The following MAGI2 variants were observed in gnomAD, a reference collection of about 807,000 sequenced individuals.
The protein encoded by MAGI2 is membrane-associated guanylate kinase, WW and PDZ domain-containing protein 2.
Under a neutral mutation model 133.3 loss-of-function variants are expected in MAGI2, and 35 were observed. The observed-to-expected ratio is 0.26, with a 90% CI of 0.20 to 0.35. MAGI2 has a LOEUF of 0.35. Ranked by LOEUF, MAGI2 falls within the 10% of genes least tolerant of loss-of-function variation. MAGI2 has a pLI of 1.00. For missense variants in MAGI2, 1,636 were observed against 1,863.4 expected, an observed-to-expected ratio of 0.88 and a Z score of 2.25; for synonymous variants, 729 against 710.6, an observed-to-expected ratio of 1.03 and a Z score of -0.41.
intron 1 of MAGI2, among the ~76,000 whole-genome samples, chr7:79,040,426 T>G (rs189416544): frequency 8.7e-4 from 132 of 152,040 alleles, no homozygotes; most frequent in African/African-American, 2.9e-3. Flanking sequence ...AAGAAAAAAG[T>G]TGGTCTCATG....
intron 1 of MAGI2, among the ~76,000 whole-genome samples, chr7:79,356,318 G>T (rs374412580): frequency 6.8e-6 from 1 of 147,514 alleles, no homozygotes; most frequent in South Asian, 2.1e-4. Flanking sequence ...GCTATGTTAC[G>T]AATCTCTCAG....
At chr7:78,044,107 T>C (rs1811145044) in intron 21 of MAGI2, among the ~76,000 whole-genome samples, 1 of 152,260 alleles carries the variant, frequency 6.6e-6, no homozygotes, top group Non-Finnish European at 1.5e-5. Context: ...ATCATTATTC[T>C]ATTATTTTAT....
intron 11 of MAGI2, among the ~76,000 whole-genome samples, chr7:78,197,536 A>G (rs1828850361): frequency 6.6e-6 from 1 of 152,206 alleles, no homozygotes. Context: ...TCTAAAAAAC[A>G]ATCTTAAAAC....
intron 2 of MAGI2, among the ~76,000 whole-genome samples, chr7:78,751,061 A>G (rs562615923): frequency 1.3e-5 from 2 of 152,310 alleles, no homozygotes; most frequent in South Asian, 4.1e-4. Flanking sequence ...ACTTTAAATG[A>G]TAGAGAAAAA....
chr7:78,660,676 T>C (rs920505695), intron 2 of MAGI2, among the ~76,000 whole-genome samples: 3 of 152,208 alleles, frequency 2.0e-5, no homozygotes, highest in African/African-American at 7.2e-5. Flanking sequence ...TATATTCCAT[T>C]TCTAAATGCT....
intron 1 of MAGI2, among the ~76,000 whole-genome samples, chr7:79,103,923 G>T (rs957933293): frequency 5.9e-5 from 9 of 152,008 alleles, no homozygotes; most frequent in African/African-American, 2.2e-4. Flanking sequence ...GGATGGTCTC[G>T]ATCTCCTGAC....
intron 20 of MAGI2, among the ~76,000 whole-genome samples, chr7:78,098,672 G>A (rs191728130): frequency 4.2e-4 from 64 of 152,168 alleles, no homozygotes; most frequent in South Asian, 3.9e-3. Flanking sequence ...ATTTGATGTT[G>A]CCAAATTATT....
intron 1 of MAGI2, among the ~76,000 whole-genome samples, chr7:79,230,484 C>A (rs1034479086): frequency 6.6e-6 from 1 of 151,850 alleles, no homozygotes; most frequent in Non-Finnish European, 1.5e-5. Context: ...GACTGCCATT[C>A]TAACTGGTGT....
Position 78,966,891 on chromosome 7 carries a change from G to A in MAGI2, c.418+40199C>T, listed in dbSNP as rs537432999. Among the ~76,000 whole-genome samples, 3 of 140,868 alleles carry A rather than the reference G, an allele frequency of 2.1e-5. No individual in the cohort carries two copies. The East Asian group carries it at 6.4e-4, about 30-fold the overall frequency. 92.4% of individuals were successfully genotyped at this position (140,868 alleles called of 152,430 possible). ...ATCTTAAGTGATGATTAGTGATGTT[G>A]AACATCTTTTCAGATCCCTGTTGGC... On this transcript the variant is annotated intron_variant, in intron 2 of 21. Coordinates refer to ENST00000354212, the MANE Select transcript of MAGI2 (RefSeq NM_012301.4).
intron 1 of MAGI2, among the ~76,000 whole-genome samples, chr7:79,267,184 T>A (rs969622467): frequency 1.3e-5 from 2 of 152,168 alleles, no homozygotes; most frequent in Middle Eastern, 3.2e-3. Flanking sequence ...AGCTCAGGTC[T>A]TAAGTGTTAG....
At chr7:79,142,493 G>A (rs75402679) in intron 1 of MAGI2, among the ~76,000 whole-genome samples, 4,409 of 152,236 alleles carry the variant, frequency 0.029, 80 homozygotes, top group East Asian at 0.039. Context: ...CGGGGTTACC[G>A]TTCTAGAAAG....
intron 17 of MAGI2, chr7:78,134,658 A>T (rs981185309): frequency 5.2e-5 from 9 of 171,670 alleles, no homozygotes; most frequent in African/African-American, 1.2e-4. Context: ...GTTAACATAA[A>T]TTTTTTTTTT....
chr7:79,171,771 T>TATATATATATATATATATATATA (rs1554394312), intron 1 of MAGI2, among the ~76,000 whole-genome samples: 4 of 20,056 alleles, frequency 2.0e-4, no homozygotes, highest in East Asian at 9.6e-4. Flanking sequence ...TATATATATA[T>TATATATATATATATATATATATA]TTTTTTTTTT....
In MAGI2 at chr7:78,610,634, C is replaced by T. The variant is rs141044249; in HGVS notation, c.538+16486G>A. Among the ~76,000 whole-genome samples, 680 of 152,196 alleles carry T rather than the reference C, an allele frequency of 4.5e-3. 2 individuals are homozygous for T. Among genetic ancestry groups the T allele is most frequent in the Non-Finnish European group, 7.6e-3 (514 of 68,016 alleles). On this transcript the variant is annotated intron_variant, in intron 3 of 21. Transcript: ENST00000354212. ...GAACTTAAATTTTTAAGATTCAATC[C>T]GTAATATGAATTTTCCAAAGAGAAT...
chr7:79,364,668 T>C (rs1024899541), intron 1 of MAGI2, among the ~76,000 whole-genome samples: 26 of 152,008 alleles, frequency 1.7e-4, no homozygotes, highest in Non-Finnish European at 2.5e-4. Flanking sequence ...TTTTTGACAA[T>C]AGTGCAAAAG....
chr7:78,402,873 T>C (rs1194329229), intron 6 of MAGI2, among the ~76,000 whole-genome samples: 1 of 152,200 alleles, frequency 6.6e-6, no homozygotes, highest in Non-Finnish European at 1.5e-5. Flanking sequence ...ATATGTAATA[T>C]ATGAGAAAAT....
chr7:78,150,113 T>C (rs557859154), intron 16 of MAGI2, among the ~76,000 whole-genome samples: 1 of 152,270 alleles, frequency 6.6e-6, no homozygotes, highest in African/African-American at 2.4e-5. Flanking sequence ...AAATAAAAAA[T>C]CTTTTACCAA....
chr7:78,099,529 C>T (rs1217681254), intron 20 of MAGI2, among the ~76,000 whole-genome samples: 3 of 152,062 alleles, frequency 2.0e-5, no homozygotes, highest in Admixed American at 6.6e-5. Flanking sequence ...AACAGTAATA[C>T]ATCACTAAAA....
At chr7:78,655,455 A>C (rs1451987688) in intron 2 of MAGI2, among the ~76,000 whole-genome samples, 20 of 27,210 alleles carry the variant, frequency 7.4e-4, no homozygotes, top group African/African-American at 2.7e-3. Context: ...AAAAACAACC[A>C]AAAAAAAAAA....
Sources: allele counts gnomAD v4.1 joint callset (sites outside exome capture counted in the v4.1 genomes callset), GRCh38; gene constraint gnomAD v4.1.1; transcripts MANE v1.5; gene names NCBI Gene and HGNC (gene_info 2026-07-23, HGNC 2026-07-21).